The following TESK2 variants were observed in gnomAD, a reference collection of about 807,000 sequenced individuals.
The protein encoded by TESK2 is testis associated actin remodelling kinase 2.
Under a neutral mutation model 57.1 loss-of-function variants are expected in TESK2, and 39 were observed. The observed-to-expected ratio is 0.68, with a 90% confidence interval of 0.53 to 0.89. The LOEUF is 0.89. TESK2 is among the 40% of genes least tolerant of loss of function. The pLI, the probability that TESK2 is intolerant of heterozygous loss-of-function variation, is 0.00. For synonymous variants in TESK2, 249 were observed against 267.9 expected, an observed-to-expected ratio of 0.93 and a Z score of 0.69; for missense variants, 646 against 732.1, an observed-to-expected ratio of 0.88 and a Z score of 1.36.
At chr1:45,436,699 G>T (rs1228557478) in intron 2 of TESK2, among the ~76,000 whole-genome samples, 2 of 151,568 alleles carry the variant, frequency 1.3e-5, no homozygotes, top group Non-Finnish European at 1.5e-5. Flanking sequence ...TGTTGGGCAG[G>T]CTGGTCTCGA....
chr1:45,350,686 T>C lies in TESK2; in HGVS notation c.541-2686A>G, dbSNP rs80144606. On this transcript the variant is annotated intron_variant, in intron 5 of 10. Coordinates refer to ENST00000372086, the MANE Select transcript of TESK2 (RefSeq NM_007170.3). ...GTGTCCCATCCCTTGCCCTCAATCCTACCATGTGATCTCATACCTTTACCA... is the reference window on the plus strand; with the variant it reads ...GTGTCCCATCCCTTGCCCTCAATCCCACCATGTGATCTCATACCTTTACCA... Among the ~76,000 whole-genome samples the C allele has an allele frequency of 2.3e-3, 357 of 152,302 alleles. 7 individuals carry two copies. In the East Asian group the frequency reaches 0.031, roughly 13 times the overall value.
intron 2 of TESK2, among the ~76,000 whole-genome samples, chr1:45,424,448 T>C (rs1248035007): frequency 6.6e-6 from 1 of 152,168 alleles, no homozygotes; most frequent in Non-Finnish European, 1.5e-5. Flanking sequence ...AGCTCTCTTC[T>C]CAGTGCATCA....
At chr1:45,468,552 A>G (rs1294072110) in intron 1 of TESK2, among the ~76,000 whole-genome samples, 1 of 152,250 alleles carries the variant, frequency 6.6e-6, no homozygotes, top group Non-Finnish European at 1.5e-5. Flanking sequence ...TACTTTTAAA[A>G]TAAGAAAATA....
intron 1 of TESK2, among the ~76,000 whole-genome samples, chr1:45,487,669 G>T (rs958159131): frequency 6.6e-6 from 1 of 152,096 alleles, no homozygotes; most frequent in African/African-American, 2.4e-5. Context: ...TCTAGATTTT[G>T]CTTCTTATAA....
chr1:45,413,771 G>A (rs1650128613), intron 3 of TESK2: 2 of 452,520 alleles, frequency 4.4e-6, no homozygotes, highest in Admixed American at 2.4e-5. Context: ...CAGCACCTGA[G>A]AAGGCACATC....
At chr1:45,434,978 T>C (rs1651137950) in intron 2 of TESK2, among the ~76,000 whole-genome samples, 1 of 151,642 alleles carries the variant, frequency 6.6e-6, no homozygotes, top group Non-Finnish European at 1.5e-5. Context: ...TTTTTTCTTT[T>C]TTTGAGACAA....
intron 8 of TESK2, 89 bp from the exon 9 acceptor site, chr1:45,346,868 C>A (rs908121178): frequency 7.2e-6 from 11 of 1,526,618 alleles, no homozygotes; most frequent in Non-Finnish European, 9.1e-6. Flanking sequence ...TGGGAGCTGC[C>A]CCTGACAACC....
At chr1:45,410,395 G>C (rs1164740550) in intron 3 of TESK2, among the ~76,000 whole-genome samples, 1 of 151,994 alleles carries the variant, frequency 6.6e-6, no homozygotes, top group Non-Finnish European at 1.5e-5. Context: ...CCTGAGGTTA[G>C]GAGTTCGAGG....
chr1:45,385,735 T>TATATATATATATATATATATAA (rs1327098074), intron 4 of TESK2, among the ~76,000 whole-genome samples, 177 bp downstream of exon 4: 4 of 148,394 alleles, frequency 2.7e-5, no homozygotes, highest in African/African-American at 1.0e-4. Flanking sequence ...TATATATATA[T>TATATATATATATATATATATAA]AAAGAAATAC....
At chr1:45,483,526 A>T (rs1261001561) in intron 1 of TESK2, among the ~76,000 whole-genome samples, 1 of 151,862 alleles carries the variant, frequency 6.6e-6, no homozygotes, top group Non-Finnish European at 1.5e-5. Flanking sequence ...TGAACCCGGC[A>T]GGCAGAGGTT....
chr1:45,476,309 A>G (rs1436742952), intron 1 of TESK2, among the ~76,000 whole-genome samples: 1 of 151,924 alleles, frequency 6.6e-6, no homozygotes, highest in Non-Finnish European at 1.5e-5. Context: ...GGAGTTTGAG[A>G]CCAGCCTGAA....
At chr1:45,490,793 G>C (rs1399720475) in intron 1 of TESK2, 59 bp downstream of exon 1, 1 of 152,764 alleles carries the variant, frequency 6.5e-6, no homozygotes, top group Non-Finnish European at 1.5e-5. Flanking sequence ...TGGAGCGGCA[G>C]CGCGCGCGGG....
intron 3 of TESK2, among the ~76,000 whole-genome samples, chr1:45,390,771 G>GTTA (rs138838014): frequency 6.7e-6 from 1 of 149,944 alleles, no homozygotes; most frequent in Non-Finnish European, 1.5e-5. Context: ...TATTGTTATT[G>GTTA]TTATTATTAT....
Position 45,391,216 on chromosome 1 carries a change from C to CTT in TESK2, c.345-5258_345-5257dup, listed in dbSNP as rs1191605172. ...CAGGTGTGAGCCACTGCGCCCAGCC[C>CTT]TTTTTTTTTTTTTTTTTTTGAGACA... is the stretch of plus-strand genomic sequence containing the variant. On this transcript the variant is annotated intron_variant, in intron 3 of 10. Transcript: ENST00000372086. Among the ~76,000 whole-genome samples, 706 of 118,722 alleles carry CTT rather than the reference C, an allele frequency of 5.9e-3. 9 individuals carry two copies. The highest frequency in any genetic ancestry group is 9.6e-3 in the African/African-American group (286 of 29,716). 77.9% of individuals were successfully genotyped at this position (118,722 alleles called of 152,430 possible). A position where few individuals can be genotyped will look rare whatever the true frequency, so the allele number is the denominator to read the frequency against.
At chr1:45,474,785 CT>C (rs1268268401) in intron 1 of TESK2, among the ~76,000 whole-genome samples, 468 of 139,382 alleles carry the variant, frequency 3.4e-3, no homozygotes, top group Admixed American at 3.5e-3. Flanking sequence ...GCCTCCATCT[CT>C]TTTTTTTTTT....
intron 4 of TESK2, among the ~76,000 whole-genome samples, chr1:45,372,541 T>C (rs1453398820): frequency 6.6e-6 from 1 of 151,860 alleles, no homozygotes; most frequent in Non-Finnish European, 1.5e-5. Flanking sequence ...ATCGTGCCAC[T>C]GCACTCCAGC....
intron 3 of TESK2, among the ~76,000 whole-genome samples, chr1:45,398,082 AT>A (rs1266009467): frequency 2.0e-5 from 3 of 151,900 alleles, no homozygotes; most frequent in Non-Finnish European, 2.9e-5. Context: ...TAATTTTTTA[AT>A]TTTTTTGTAG....
intron 1 of TESK2, among the ~76,000 whole-genome samples, chr1:45,482,471 T>C (rs1300301390): frequency 6.6e-6 from 1 of 151,744 alleles, no homozygotes; most frequent in Non-Finnish European, 1.5e-5. Context: ...GAGGCCATAG[T>C]GAGCTATGAT....
intron 4 of TESK2, among the ~76,000 whole-genome samples, chr1:45,379,369 G>T (rs1367980941): frequency 6.6e-6 from 1 of 152,140 alleles, no homozygotes; most frequent in Non-Finnish European, 1.5e-5. Flanking sequence ...TCACTATGCT[G>T]CCTAGGCTGG....
Sources: gnomAD v4.1 joint callset for allele counts (sites outside exome capture counted in the v4.1 genomes callset) on GRCh38, gnomAD v4.1.1 for gene constraint, MANE v1.5 for transcripts, NCBI Gene and HGNC (gene_info 2026-07-23, HGNC 2026-07-21) for gene names.